The following SLC44A4 variants were observed in gnomAD, a reference collection of about 807,000 sequenced individuals.
SLC44A4 encodes solute carrier family 44 member 4, also known as choline transporter-like protein 4.
Under a neutral mutation model 97.0 loss-of-function variants are expected in SLC44A4, and 74 were observed. That is an observed-to-expected ratio of 0.76 (90% CI 0.63 to 0.93). SLC44A4 has a LOEUF of 0.93. Ranked by LOEUF, SLC44A4 falls within the 40% of genes least tolerant of loss-of-function variation. The probability of loss-of-function intolerance (pLI) is 0.00; values close to 1 mark genes in which losing one functional copy is unlikely to be tolerated. For missense variants in SLC44A4, 799 were observed against 902.9 expected (o/e 0.88, Z 1.48); for synonymous variants, 325 against 363.8 (o/e 0.89, Z 1.21).
chr6:31,875,016 A>T lies in SLC44A4; in HGVS notation c.255T>A (p.Tyr85Ter), dbSNP rs201087802. The change falls in exon 5 of 21, where the codon TAT (tyrosine) becomes TAA (stop). Residue 85 changes from tyrosine to a stop codon, truncating the protein, a stop_gained. Coordinates refer to ENST00000229729, the MANE Select transcript of SLC44A4 (RefSeq NM_025257.3). LOFTEE classifies it high-confidence loss of function. ...AGCTGAAGATGTTGAAGTACAGGAGATACGGCTTATCTCTGTGGGAGGGGA... is the reference window on the plus strand; with the variant it reads ...AGCTGAAGATGTTGAAGTACAGGAGTTACGGCTTATCTCTGTGGGAGGGGA... ...CGMGENKDKP[Y>*]LLYFNIFSCI... 17 of 1,612,174 alleles carry T rather than the reference A, an allele frequency of 1.1e-5. No homozygotes were observed. Among genetic ancestry groups the T allele is most frequent in the Non-Finnish European group, 1.4e-5 (17 of 1,179,840 alleles).
intron 7 of SLC44A4, among the ~76,000 whole-genome samples, chr6:31,873,021 T>C (rs542524972): frequency 2.0e-5 from 3 of 152,218 alleles, no homozygotes; most frequent in South Asian, 2.1e-4. Flanking sequence ...GGATTTCAGG[T>C]GCCCACCACC....
At position 31,876,988 on chromosome 6, in the gene SLC44A4, G is replaced by A. The variant is rs758801778; in HGVS notation, c.89+46C>T. The A allele has an allele frequency of 1.3e-6, 2 of 1,566,598 alleles. No individual in the cohort carries two copies. The highest frequency in any genetic ancestry group is 1.7e-6 in the Non-Finnish European group (2 of 1,150,562). ...CAAAGCAAATACTGGATTCCACACT[G>A]CACCCACCACCCCCGCCAGCCCCCG... On this transcript the variant is annotated intron_variant, in intron 2 of 20. Transcript: ENST00000229729. The surrounding 1 kb of genome is among the most constrained non-coding windows in gnomAD (Gnocchi z 4.8).
Position 31,874,708 on chromosome 6 carries a change from G to A in SLC44A4, c.468+13C>T, listed in dbSNP as rs1033067683. The A allele has an allele frequency of 4.4e-6, 7 of 1,603,788 alleles. No individual in the cohort carries two copies. The African/African-American group carries it at 8.0e-5, about 18-fold the overall frequency. On this transcript the variant is annotated intron_variant, in intron 6 of 20. Coordinates refer to ENST00000229729, the MANE Select transcript of SLC44A4 (RefSeq NM_025257.3). This position sits in a 1 kb window ranked among gnomAD's most constrained non-coding sequence, Gnocchi z 4.8. ...TTCTGGGCGACAGTGATGAGGTTAG[G>A]GGCAATATTCACCATATTCCAGGGT...
Position 31,863,455 on chromosome 6 carries a change from G to A in SLC44A4, c.*172C>T. 1 of 902,704 alleles carries A rather than the reference G, an allele frequency of 1.1e-6. No homozygotes were observed. Among genetic ancestry groups the A allele is most frequent in the Non-Finnish European group, 1.6e-6 (1 of 632,442 alleles). The allele number at this position is 902,704 out of a possible 1,614,324, so 55.9% of individuals were successfully genotyped here. A position where few individuals can be genotyped will look rare whatever the true frequency, so the allele number is the denominator to read the frequency against. On this transcript the variant is annotated 3_prime_UTR_variant, in exon 21 of 21. Coordinates refer to ENST00000229729, the MANE Select transcript of SLC44A4 (RefSeq NM_025257.3). ...TTGGCCAGGCTGGTCTCGAACTCCTGACTCAGGTGATCCGCCCGCCTCAGC... is the reference window on the plus strand; with the variant it reads ...TTGGCCAGGCTGGTCTCGAACTCCTAACTCAGGTGATCCGCCCGCCTCAGC...
rs778010376 is a variant in SLC44A4, at chr6:31,866,037, A to G, written c.1323T>C (p.Asn441=). The G allele has an allele frequency of 4.3e-5, 70 of 1,614,106 alleles. No individual in the cohort carries two copies. Among genetic ancestry groups the G allele is most frequent in the Non-Finnish European group, 5.5e-5 (65 of 1,180,050 alleles). The stretch of plus-strand genomic sequence containing the variant: ...GCCCCAGGACCCCATAGATTTGCAG[A>G]TTGAAGACAGAACGTTGGATTAGGC... The part of the protein sequence containing the change: ...SKGLIQRSVF[N]LQIYGVLGLF... The change falls in exon 14 of 21, where the codon AAT becomes AAC. Residue 441 remains asparagine, a synonymous_variant. Coordinates refer to ENST00000229729, the MANE Select transcript of SLC44A4 (RefSeq NM_025257.3).
rs765451846 is a variant in SLC44A4, at chr6:31,865,299, G to GC, written c.1760+15_1760+16insG. 2 of 1,613,876 alleles carry GC rather than the reference G, an allele frequency of 1.2e-6. No individual in the cohort carries two copies. Among genetic ancestry groups the GC allele is most frequent in the Non-Finnish European group, 1.7e-6 (2 of 1,179,970 alleles). On this transcript the variant is annotated intron_variant, in intron 17 of 20. Transcript: ENST00000229729. The surrounding 1 kb of genome is among the most constrained non-coding windows in gnomAD (Gnocchi z 5.2). ...TCAGAGGAGGGAGCCACAAAGCGGGGGGGGAGCAGCCTAACCTGACAATGT... is the reference window on the plus strand; with the variant it reads ...TCAGAGGAGGGAGCCACAAAGCGGGGCGGGGAGCAGCCTAACCTGACAATGT...
In SLC44A4 at chr6:31,863,767, C is replaced by G. The variant is rs751967449; in HGVS notation, c.2012-19G>C. On this transcript the variant is annotated intron_variant, in intron 20 of 20. Transcript: ENST00000229729. ...TCTTCCACTGAGCCGCAACAGAGAC[C>G]GGTTAGAGCGGACCCTGGGGCCAGG... The G allele has an allele frequency of 7.4e-6, 12 of 1,611,686 alleles. No individual in the cohort carries two copies. The highest frequency in any genetic ancestry group is 1.0e-5 in the Non-Finnish European group (12 of 1,179,602).
At chr6:31,875,799 G>C (rs1763407313) in intron 4 of SLC44A4, 53 bp downstream of exon 4, 2 of 1,499,176 alleles carry the variant, frequency 1.3e-6, no homozygotes, top group Non-Finnish European at 1.8e-6. Flanking sequence ...GGTGTCTCCT[G>C]CCCACCCTAC....
chr6:31,863,786 G>A (rs1762687735), intron 20 of SLC44A4, 38 bp from the exon 21 acceptor site: 4 of 1,610,178 alleles, frequency 2.5e-6, no homozygotes, highest in Non-Finnish European at 2.5e-6. Flanking sequence ...CGGACCCTGG[G>A]GCCAGGAAAT....
chr6:31,873,304 T>C (rs2151566917), intron 7 of SLC44A4, among the ~76,000 whole-genome samples: 1 of 152,296 alleles, frequency 6.6e-6, no homozygotes, highest in African/African-American at 2.4e-5. Context: ...TGCCTCAGCC[T>C]CCTGAGTAGC....
intron 12 of SLC44A4, 91 bp downstream of exon 12, chr6:31,869,454 G>T: frequency 2.6e-6 from 3 of 1,164,152 alleles, no homozygotes; most frequent in South Asian, 1.4e-5. Flanking sequence ...CTCTTCCAGT[G>T]ACACCAAGGC....
At position 31,865,074 on chromosome 6, in the gene SLC44A4, G is replaced by T. The variant is rs780376557; in HGVS notation, c.1767C>A (p.Val589=). Residue 589 remains valine (V), a synonymous_variant, in exon 18 of 21, where the codon GTC becomes GTA. Transcript: ENST00000229729. The surrounding 1 kb of genome is among the most constrained non-coding windows in gnomAD (Gnocchi z 5.2). ...MLLMRNIVRV[V]VLDKVTDLLL... ...GCAGGTCTGTGACTTTGTCCAGGAC[G>T]ACCACCCTGTGCCAGAAGTTAGGGC... 6.2e-7 allele frequency: 1 copy of T among 1,613,354 alleles called. No individual in the cohort carries two copies. The highest frequency in any genetic ancestry group is 8.5e-7 in the Non-Finnish European group (1 of 1,180,038).
chr6:31,875,790 G>T, intron 4 of SLC44A4, 62 bp downstream of exon 4: 1 of 1,445,086 alleles, frequency 6.9e-7, no homozygotes, highest in Non-Finnish European at 9.5e-7. Context: ...AGTTGGGGGG[G>T]TGTCTCCTGC....
chr6:31,874,793 G>A lies in SLC44A4; in HGVS notation c.396C>T (p.Phe132=), dbSNP rs1763353652. ...AGAAGACTTCCCCAACAGTCTGTGA[G>A]AACTCGTTTTTTCCCACAGTCCATG... ...EDPWTVGKNE[F]SQTVGEVFYT... is the part of the protein sequence containing the mutation. The change falls in exon 6 of 21, where the codon TTC becomes TTT. Residue 132 remains phenylalanine, a synonymous_variant. Transcript: ENST00000229729. The surrounding 1 kb of genome is among the most constrained non-coding windows in gnomAD (Gnocchi z 4.8). The A allele has an allele frequency of 3.7e-6, 6 of 1,614,036 alleles. No homozygotes were observed. The highest frequency in any genetic ancestry group is 5.1e-6 in the Non-Finnish European group (6 of 1,179,974).
Position 31,865,529 on chromosome 6 carries a change from A to T in SLC44A4, c.1655T>A (p.Ile552Asn). Residue 552 changes from isoleucine (I) to asparagine (N), a missense_variant, in exon 16 of 21, where the codon ATC becomes AAC. Transcript: ENST00000229729. This position sits in a 1 kb window ranked among gnomAD's most constrained non-coding sequence, Gnocchi z 5.2. ...GTATGCATTGCGGTTTAGGAACTTG[A>T]TAAATTTTTCCAGACACCAGAGGCA... ...KCCLWCLEKF[I>N]KFLNRNAYIM... The T allele has an allele frequency of 6.2e-7, 1 of 1,600,804 alleles. No individual in the cohort carries two copies. The highest frequency in any genetic ancestry group is 2.2e-5 in the East Asian group (1 of 44,616).
intron 4 of SLC44A4, 31 bp downstream of exon 4, chr6:31,875,821 C>A: frequency 6.3e-7 from 1 of 1,578,958 alleles, no homozygotes; most frequent in Admixed American, 1.7e-5. Context: ...TCGCCTCGCT[C>A]CTGCACTCCT....
intron 20 of SLC44A4, among the ~76,000 whole-genome samples, chr6:31,864,060 GCT>G (rs1400475586): frequency 4.0e-5 from 6 of 151,320 alleles, no homozygotes; most frequent in Admixed American, 2.6e-4. Flanking sequence ...CTCTCTAATG[GCT>G]CTTTTTTTTT....
intron 7 of SLC44A4, 84 bp from the exon 8 acceptor site, chr6:31,871,645 C>T (rs1260798996): frequency 1.9e-6 from 2 of 1,041,216 alleles, no homozygotes; most frequent in Non-Finnish European, 3.0e-6. Flanking sequence ...CCACAGTGCC[C>T]TTAGGGGAGG....
intron 13 of SLC44A4, 149 bp from the exon 14 acceptor site, chr6:31,866,275 AG>A: frequency 4.7e-6 from 5 of 1,056,058 alleles, no homozygotes; most frequent in Non-Finnish European, 6.7e-6. Flanking sequence ...GTTCTGTCGG[AG>A]AGTTCCATCT....
Sources: allele counts gnomAD v4.1 joint callset (sites outside exome capture counted in the v4.1 genomes callset), GRCh38; gene constraint gnomAD v4.1.1; non-coding constraint Gnocchi (gnomAD v3.1); transcripts MANE v1.5; gene names NCBI Gene and HGNC (gene_info 2026-07-23, HGNC 2026-07-21).